The following PDE8A variants were observed in gnomAD, a reference collection of about 807,000 sequenced individuals.
PDE8A encodes the protein phosphodiesterase 8A, also known as high affinity cAMP-specific and IBMX-insensitive 3',5'-cyclic phosphodiesterase 8A.
PDE8A carries 59 observed loss-of-function variants against 105.0 expected under a neutral mutation model. The ratio of observed to expected loss-of-function variants is 0.56; its 90% CI spans 0.46 to 0.70. The LOEUF (loss-of-function observed/expected upper bound fraction) is 0.70. Among genes scored for constraint, PDE8A ranks in the 30% least tolerant of loss-of-function variants. The pLI, the probability that PDE8A is intolerant of heterozygous loss-of-function variation, is 0.00. For missense variants in PDE8A, 1,014 were observed against 1,045.9 expected (o/e 0.97, Z 0.42); for synonymous variants, 355 against 371.9 (o/e 0.95, Z 0.52).
intron 1 of PDE8A, among the ~76,000 whole-genome samples, chr15:84,990,184 C>A (rs757360708): frequency 2.7e-5 from 4 of 150,284 alleles, no homozygotes; most frequent in Non-Finnish European, 5.9e-5. Flanking sequence ...GACCTCATCT[C>A]AAAAAAAAAT....
chr15:85,117,908 C>A, intron 17 of PDE8A, 69 bp downstream of exon 17: 1 of 1,199,034 alleles, frequency 8.3e-7, no homozygotes, highest in Non-Finnish European at 1.2e-6. Flanking sequence ...CTTCTGCCTC[C>A]ACTAAGATAC....
Position 85,120,945 on chromosome 15 carries a change from A to G in PDE8A, c.1883A>G (p.His628Arg), listed in dbSNP as rs533005003. ...AATGACACTGCTGTGCTGGAGAGCC[A>G]CCATGCGGCCTTGGCCTTCCAGCTG... ...LYNDTAVLES[H>R]HAALAFQLTT... Residue 628 changes from histidine (H) to arginine (R), a missense_variant, in exon 18 of 22, where the codon CAC (histidine) becomes CGC (arginine). His to Arg is a conservative substitution (Grantham distance 29). Coordinates refer to ENST00000394553, the MANE Select transcript of PDE8A (RefSeq NM_002605.3). 1.0e-4 allele frequency: 166 copies of G among 1,614,156 alleles called. 4 individuals are homozygous for G. The South Asian group carries it at 1.5e-3, about 14-fold the overall frequency.
chr15:85,114,147 T>C (rs1157395909), intron 14 of PDE8A, 110 bp downstream of exon 14: 3 of 927,750 alleles, frequency 3.2e-6, no homozygotes. Flanking sequence ...CTCTGTAGGG[T>C]TCAGTCAAGA....
At chr15:85,089,531 G>C (rs1443413924) in intron 7 of PDE8A, 115 bp downstream of exon 7, 9 of 554,416 alleles carry the variant, frequency 1.6e-5, no homozygotes, top group Non-Finnish European at 2.9e-5. Flanking sequence ...TAGGAGACCA[G>C]TTTTTCCTTC....
At chr15:85,110,848 A>G (rs2082011403) in intron 12 of PDE8A, among the ~76,000 whole-genome samples, 1 of 152,210 alleles carries the variant, frequency 6.6e-6, no homozygotes, top group African/African-American at 2.4e-5. Flanking sequence ...TTCTCCAATA[A>G]TAGCTCCAAC....
Position 85,123,337 on chromosome 15 carries a change from T to TACACACACACAC in PDE8A, c.2085+182_2085+193dup, listed in dbSNP as rs58421452. The TACACACACACAC allele has an allele frequency of 1.9e-3, 621 of 330,374 alleles. 2 individuals are homozygous for TACACACACACAC. Among genetic ancestry groups the TACACACACACAC allele is most frequent in the African/African-American group, 7.9e-3 (315 of 39,936 alleles). 20.5% of individuals were successfully genotyped at this position (330,374 alleles called of 1,614,324 possible). On this transcript the variant is annotated intron_variant, in intron 19 of 21. Transcript: ENST00000394553. The stretch of plus-strand genomic sequence containing the variant: ...TCTTACAGGGACAGAACTAATGGGA[T>TACACACACACAC]ACACACACACACACACACACACACA...
At chr15:85,114,063 G>A (rs201792566) in intron 14 of PDE8A, 26 bp downstream of exon 14, 44 of 1,593,070 alleles carry the variant, frequency 2.8e-5, no homozygotes, top group Non-Finnish European at 3.8e-5. Context: ...TAGACTCTTG[G>A]CTAGAGCCTG....
At chr15:85,111,304 C>T (rs1417465174) in intron 12 of PDE8A, among the ~76,000 whole-genome samples, 5 of 152,102 alleles carry the variant, frequency 3.3e-5, no homozygotes, top group South Asian at 4.1e-4. Flanking sequence ...ATCCCAAGAT[C>T]GTGAAAATAT....
intron 20 of PDE8A, among the ~76,000 whole-genome samples, chr15:85,135,490 G>A (rs555693860): frequency 3.0e-4 from 45 of 152,164 alleles, no homozygotes; most frequent in African/African-American, 1.1e-3. Flanking sequence ...CCATCTAGAA[G>A]AGCTGCTCCC....
At chr15:85,089,479 T>C (rs2081606650) in intron 7 of PDE8A, 63 bp downstream of exon 7, 4 of 873,230 alleles carry the variant, frequency 4.6e-6, no homozygotes, top group Non-Finnish European at 7.4e-6. Flanking sequence ...ACTTTTAGGA[T>C]TGAACCTCTC....
chr15:85,116,019 A>T lies in PDE8A; in HGVS notation c.1435A>T (p.Ile479Phe). ...GGTTTCAAGCAATATAATCACTCCC[A>T]TCTCCCTTGATGATGTCCCACCACG... ...QMVSSNIITP[I>F]SLDDVPPRIA... Residue 479 changes from isoleucine to phenylalanine, a missense_variant, in exon 16 of 22, where the codon ATC becomes TTC. By Grantham distance (21) the Ile-to-Phe change is conservative (BLOSUM62 0). Coordinates refer to ENST00000394553, the MANE Select transcript of PDE8A (RefSeq NM_002605.3). 1 of 1,613,170 alleles carries T rather than the reference A, an allele frequency of 6.2e-7. No homozygotes were observed. The highest frequency in any genetic ancestry group is 8.5e-7 in the Non-Finnish European group (1 of 1,179,218).
upstream of PDE8A, among the ~76,000 whole-genome samples, chr15:84,980,996 G>A (rs1180449814): frequency 5.9e-5 from 9 of 152,308 alleles, no homozygotes; most frequent in African/African-American, 2.2e-4. Context: ...CCGGGACCCG[G>A]CGCGCGGCGC....
At chr15:85,019,943 GTTTTTTTTTTTTT>G (rs201634002) in intron 1 of PDE8A, among the ~76,000 whole-genome samples, 4 of 64,764 alleles carry the variant, frequency 6.2e-5, no homozygotes, top group East Asian at 5.8e-4. Context: ...TTTTTTTTTG[GTTTTTTTTTTTTT>G]TTTTTTTTTT....
rs780405104 is a variant in PDE8A at position 85,126,300 on chromosome 15, G to T, written c.2179G>T (p.Val727Leu). 1 of 1,613,238 alleles carries T rather than the reference G, an allele frequency of 6.2e-7. No homozygotes were observed. The highest frequency in any genetic ancestry group is 8.5e-7 in the Non-Finnish European group (1 of 1,179,712). The change falls in exon 20 of 22, where the codon GTG becomes TTG. Residue 727 changes from valine (V) to leucine (L), a missense_variant. By Grantham distance (32) the Val-to-Leu change is conservative (BLOSUM62 1). Coordinates refer to ENST00000394553, the MANE Select transcript of PDE8A (RefSeq NM_002605.3). ...IKRMLIKCADVSNPCRPLQYC... is the reference protein window; with the variant it reads ...IKRMLIKCADLSNPCRPLQYC... ...ACGAATGCTGATTAAATGTGCTGAT[G>T]TGTCCAATCCCTGCCGACCCCTGCA...
chr15:85,114,565 A>T (rs1399595485), intron 14 of PDE8A, among the ~76,000 whole-genome samples: 1 of 152,166 alleles, frequency 6.6e-6, no homozygotes, highest in African/African-American at 2.4e-5. Flanking sequence ...CTCCTTCAGC[A>T]TGTCTGGTGT....
At chr15:85,041,806 G>T (rs1425957334) in intron 1 of PDE8A, among the ~76,000 whole-genome samples, 1 of 152,140 alleles carries the variant, frequency 6.6e-6, no homozygotes, top group Non-Finnish European at 1.5e-5. Context: ...CAAGGCTGGG[G>T]CCTCACCTCC....
chr15:85,011,882 G>C (rs2080245221), intron 1 of PDE8A, among the ~76,000 whole-genome samples: 1 of 152,192 alleles, frequency 6.6e-6, no homozygotes, highest in Non-Finnish European at 1.5e-5. Context: ...CAAAAAGTGG[G>C]CGAAGGACAT....
At chr15:84,996,774 C>G (rs759003092) in intron 1 of PDE8A, among the ~76,000 whole-genome samples, 1 of 125,032 alleles carries the variant, frequency 8.0e-6, no homozygotes, top group Admixed American at 1.1e-4. Context: ...TGCAGTGAGC[C>G]GAGATCGCAC....
chr15:85,119,801 A>T (rs1036372228), intron 17 of PDE8A, among the ~76,000 whole-genome samples: 2 of 152,184 alleles, frequency 1.3e-5, no homozygotes, highest in African/African-American at 4.8e-5. Flanking sequence ...ACCAAAAATG[A>T]CATTAGTTAG....
Sources: gnomAD v4.1 joint callset for allele counts (sites outside exome capture counted in the v4.1 genomes callset) on GRCh38, gnomAD v4.1.1 for gene constraint, MANE v1.5 for transcripts, NCBI Gene and HGNC (gene_info 2026-07-23, HGNC 2026-07-21) for gene names.